The following PPP1R36 variants were observed in gnomAD, a reference collection of about 807,000 sequenced individuals.
The protein encoded by PPP1R36 is chromosome 14 open reading frame 50.
Under a neutral mutation model 53.4 loss-of-function variants are expected in PPP1R36, and 47 were observed. The ratio of observed to expected loss-of-function variants is 0.88; its 90% CI spans 0.70 to 1.12. The LOEUF (loss-of-function observed/expected upper bound fraction) is 1.12. Ranked by LOEUF, PPP1R36 falls within the 50% of genes most tolerant of loss-of-function variation. PPP1R36 has a pLI of 0.00. For missense variants in PPP1R36, 456 were observed against 513.9 expected (o/e 0.89, Z 1.09); for synonymous variants, 153 against 170.5 (o/e 0.90, Z 0.80).
intron 8 of PPP1R36, among the ~76,000 whole-genome samples, chr14:64,575,736 C>T (rs568105300): frequency 3.5e-4 from 53 of 151,906 alleles, no homozygotes; most frequent in Admixed American, 3.2e-3. Flanking sequence ...CTGCAAGCCC[C>T]GCCTCCTGGG....
At chr14:64,553,357 C>T (rs2080113184) in intron 3 of PPP1R36, among the ~76,000 whole-genome samples, 1 of 152,202 alleles carries the variant, frequency 6.6e-6, no homozygotes, top group Admixed American at 6.5e-5. Context: ...CTATCAGTTT[C>T]ATATCATCTT....
chr14:64,583,713 C>G (rs528636151), intron 8 of PPP1R36, among the ~76,000 whole-genome samples: 1 of 146,852 alleles, frequency 6.8e-6, no homozygotes, highest in Admixed American at 7.0e-5. Context: ...ACTTGGGAGG[C>G]TGAGGCAGGA....
In PPP1R36 at chr14:64,579,610, T is replaced by C. The variant is rs111454257; in HGVS notation, c.668+5021T>C. ...ATCATTTATAACATCACTATTAATA[T>C]TGACACTAATTTCTTTTGTCTTTAA... On this transcript the variant is annotated intron_variant, in intron 8 of 11. Coordinates refer to ENST00000298705, the MANE Select transcript of PPP1R36 (RefSeq NM_172365.3). Among the ~76,000 whole-genome samples, 704 of 152,334 alleles carry C rather than the reference T, an allele frequency of 4.6e-3. 9 individuals carry two copies. Among genetic ancestry groups the C allele is most frequent in the African/African-American group, 0.016 (651 of 41,560 alleles).
intron 8 of PPP1R36, among the ~76,000 whole-genome samples, chr14:64,581,972 C>T (rs2080393080): frequency 6.6e-6 from 1 of 152,174 alleles, no homozygotes; most frequent in African/African-American, 2.4e-5. Flanking sequence ...ATGGCCAATG[C>T]TGGCTCCACC....
Position 64,564,349 on chromosome 14 carries a change from T to A in PPP1R36, c.183-402T>A, listed in dbSNP as rs561245589. Among the ~76,000 whole-genome samples, 5 of 152,344 alleles carry A rather than the reference T, an allele frequency of 3.3e-5. 1 individual carries two copies. The South Asian group carries it at 1.0e-3, about 32-fold the overall frequency. ...ATTTCTTTTTAAGTTTCCATTTTTC[T>A]TGTATGTAAAGATGGTGATCATATT... On this transcript the variant is annotated intron_variant, in intron 3 of 11. Transcript: ENST00000298705.
intron 3 of PPP1R36, among the ~76,000 whole-genome samples, chr14:64,557,474 AC>A (rs2080165388): frequency 6.6e-6 from 1 of 152,206 alleles, no homozygotes; most frequent in Non-Finnish European, 1.5e-5. Context: ...CTATTTATAT[AC>A]CTAAAAATAC....
At chr14:64,588,554 GAT>G in intron 11 of PPP1R36, 1 of 235,690 alleles carries the variant, frequency 4.2e-6, no homozygotes, top group Admixed American at 7.3e-5. Flanking sequence ...GTGAGTAACT[GAT>G]TTTTTTTTTT....
chr14:64,576,563 A>G (rs1011745681), intron 8 of PPP1R36, among the ~76,000 whole-genome samples: 2 of 152,162 alleles, frequency 1.3e-5, no homozygotes, highest in African/African-American at 2.4e-5. Flanking sequence ...TGATGTTTGC[A>G]TCGATATACT....
chr14:64,587,424 CTTTCTTTTCT>C (rs747645165), intron 10 of PPP1R36, 52 bp downstream of exon 10: 17 of 690,888 alleles, frequency 2.5e-5, no homozygotes, highest in Middle Eastern at 2.9e-4. Context: ...TCTTCCTTTC[CTTTCTTTTCT>C]TTTCTTTTTT....
At chr14:64,565,843 C>T (rs10873174) in intron 6 of PPP1R36, 151 bp downstream of exon 6, 305,125 of 636,252 alleles carry the variant, frequency 0.48, 75,503 homozygotes, top group East Asian at 0.65. Context: ...ACAAAGACTG[C>T]GACCAAAGAG....
intron 7 of PPP1R36, 134 bp from the exon 8 acceptor site, chr14:64,574,321 C>A: frequency 1.1e-6 from 1 of 879,680 alleles, no homozygotes; most frequent in Non-Finnish European, 1.7e-6. Context: ...CACCACTGCA[C>A]TCCAGCCTAG....
Position 64,553,879 on chromosome 14 carries a change from A to G in PPP1R36, c.182+1018A>G, listed in dbSNP as rs1271479910. Among the ~76,000 whole-genome samples, 4 of 151,494 alleles carry G rather than the reference A, an allele frequency of 2.6e-5. No individual in the cohort carries two copies. The East Asian group carries it at 7.7e-4, about 29-fold the overall frequency. On this transcript the variant is annotated intron_variant, in intron 3 of 11. Transcript: ENST00000298705. ...ACCCCGGACTACGTGGAGTACACAA[A>G]CTGGGGGGCCGTTAAGGGAGTTGGA... is the stretch of plus-strand genomic sequence containing the variant.
chr14:64,567,822 C>T (rs546832364), intron 6 of PPP1R36, among the ~76,000 whole-genome samples: 15 of 152,132 alleles, frequency 9.9e-5, no homozygotes, highest in Non-Finnish European at 1.8e-4. Context: ...CCACCACGCC[C>T]GGCTAATTTT....
At chr14:64,569,906 T>C (rs540204999) in intron 7 of PPP1R36, among the ~76,000 whole-genome samples, 1 of 151,808 alleles carries the variant, frequency 6.6e-6, no homozygotes, top group Admixed American at 6.6e-5. Context: ...GCCCAGCTAA[T>C]TTTTATATTT....
intron 3 of PPP1R36, chr14:64,561,819 C>T (rs1207224495): frequency 2.2e-6 from 1 of 456,014 alleles, no homozygotes; most frequent in South Asian, 1.5e-5. Context: ...AGAGAACCAG[C>T]AGTCTGCCTG....
In PPP1R36 at chr14:64,574,607, C is replaced by G; in HGVS notation, c.668+18C>G. ...TGTGGAAAGTAAGCAGATACTTACA[C>G]TTCATTAGATCATCACTCCATCATA... On this transcript the variant is annotated intron_variant, in intron 8 of 11. Coordinates refer to ENST00000298705, the MANE Select transcript of PPP1R36 (RefSeq NM_172365.3). 6.2e-7 allele frequency: 1 copy of G among 1,601,144 alleles called. No homozygotes were observed.
At position 64,589,322 on chromosome 14, in the gene PPP1R36, C is replaced by T. The variant is rs369994237; in HGVS notation, c.1253C>T (p.Thr418Ile). 7.4e-6 allele frequency: 12 copies of T among 1,611,986 alleles called. No homozygotes were observed. The highest frequency in any genetic ancestry group is 4.0e-5 in the African/African-American group (3 of 74,860). Residue 418 changes from threonine (T) to isoleucine (I), a missense_variant, in exon 12 of 12, where the codon ACA (threonine) becomes ATA (isoleucine). Coordinates refer to ENST00000298705, the MANE Select transcript of PPP1R36 (RefSeq NM_172365.3). ...DLVMKTLSSH[T>I]SCPK is the part of the protein sequence containing the mutation. ...GTCATGAAAACACTGTCCTCTCATACATCATGCCCTAAGTAACCTGGTACA... is the reference window on the plus strand; with the variant it reads ...GTCATGAAAACACTGTCCTCTCATATATCATGCCCTAAGTAACCTGGTACA...
intron 2 of PPP1R36, 97 bp from the exon 3 acceptor site, chr14:64,552,717 G>C: frequency 1.2e-6 from 1 of 859,666 alleles, no homozygotes; most frequent in Non-Finnish European, 1.9e-6. Context: ...CATTTTATTA[G>C]AGTCAAAATC....
chr14:64,564,866 T>A, intron 4 of PPP1R36, 29 bp downstream of exon 4: 1 of 1,430,756 alleles, frequency 7.0e-7, no homozygotes, highest in Non-Finnish European at 9.7e-7. Context: ...CATGCCAGAG[T>A]TGCTGATAGC....
Sources: allele counts gnomAD v4.1 joint callset (sites outside exome capture counted in the v4.1 genomes callset), GRCh38; gene constraint gnomAD v4.1.1; transcripts MANE v1.5; gene names NCBI Gene and HGNC (gene_info 2026-07-23, HGNC 2026-07-21).